Variants in MAPRE2 observed in about 807,000 individuals in gnomAD.
The protein encoded by MAPRE2 is microtubule-associated protein RP/EB family member 2.
A neutral mutation model predicts 43.2 loss-of-function variants in MAPRE2; 13 were observed. That is an observed-to-expected ratio of 0.30 (90% CI 0.20 to 0.48). The LOEUF (loss-of-function observed/expected upper bound fraction) is 0.48, where lower values mean the gene tolerates loss of function less well. MAPRE2 is among the 20% of genes least tolerant of loss of function. MAPRE2 has a pLI of 0.99. For missense variants in MAPRE2, 161 were observed against 400.2 expected (o/e 0.40, Z 5.10); for synonymous variants, 135 against 148.8 (o/e 0.91, Z 0.68).
chr18:35,049,014 A>G (rs566446206), intron 1 of MAPRE2, among the ~76,000 whole-genome samples: 1 of 152,202 alleles, frequency 6.6e-6, no homozygotes, highest in South Asian at 2.1e-4. Flanking sequence ...GATTTCTGTG[A>G]TCCTATTTCA....
intron 2 of MAPRE2, among the ~76,000 whole-genome samples, chr18:35,094,230 ATAAT>A (rs1229941263): frequency 2.0e-5 from 3 of 152,196 alleles, no homozygotes; most frequent in African/African-American, 7.2e-5. Flanking sequence ...CATAATGTAT[ATAAT>A]TATTTATCAA....
rs79633625 is a variant in MAPRE2 at position 35,025,958 on chromosome 18, G to A, written c.-8+20405G>A. On this transcript the variant is annotated intron_variant, in intron 2 of 7. Coordinates refer to the MAPRE2 transcript ENST00000413393. ...CACGGTGGGGCATAAGTTTCTAAAGGTAGTTAGGTTTTACAGTGCCAAAAG... is the reference window on the plus strand; with the variant it reads ...CACGGTGGGGCATAAGTTTCTAAAGATAGTTAGGTTTTACAGTGCCAAAAG... Among the ~76,000 whole-genome samples the A allele has an allele frequency of 2.0e-3, 297 of 152,278 alleles. 8 individuals carry two copies. The East Asian group carries it at 0.053, about 27-fold the overall frequency.
At chr18:35,067,772 C>A (rs1335130333) in intron 1 of MAPRE2, among the ~76,000 whole-genome samples, 4 of 152,046 alleles carry the variant, frequency 2.6e-5, no homozygotes, top group Non-Finnish European at 5.9e-5. Context: ...TTCATCAGTC[C>A]AAAATATTTT....
chr18:34,999,181 C>T (rs1414249068), intron 1 of MAPRE2, among the ~76,000 whole-genome samples: 1 of 152,128 alleles, frequency 6.6e-6, no homozygotes, highest in East Asian at 1.9e-4. Context: ...TAATTGCACA[C>T]ATGAGGAGAG....
intron 1 of MAPRE2, among the ~76,000 whole-genome samples, chr18:35,062,367 C>G (rs1034876859): frequency 1.3e-5 from 2 of 152,180 alleles, no homozygotes; most frequent in Non-Finnish European, 2.9e-5. Flanking sequence ...TGATAAATCT[C>G]TTTTTAAATT....
At chr18:35,104,445 A>G (rs1413114649) in intron 4 of MAPRE2, among the ~76,000 whole-genome samples, 1 of 152,100 alleles carries the variant, frequency 6.6e-6, no homozygotes, top group Non-Finnish European at 1.5e-5. Flanking sequence ...TTTTTTTTCA[A>G]CTGTTCTTGT....
rs553698332 is a variant in MAPRE2, at chr18:35,006,694, A to G, written c.-8+1141A>G. Among the ~76,000 whole-genome samples the G allele has an allele frequency of 4.6e-5, 7 of 152,348 alleles. No individual in the cohort carries two copies. The South Asian group carries it at 1.4e-3, about 32-fold the overall frequency. ...AATAGATGTTTTCTCCTGTTGCTCT[A>G]GTGAAAGTGGAAATATGGAGCACTT... On this transcript the variant is annotated intron_variant, in intron 2 of 7. Coordinates refer to the MAPRE2 transcript ENST00000413393.
chr18:35,140,256 A>G, intron 6 of MAPRE2, 39 bp from the exon 7 acceptor site: 2 of 1,582,796 alleles, frequency 1.3e-6, no homozygotes, highest in Non-Finnish European at 1.7e-6. Flanking sequence ...CCCCATTCCC[A>G]GTCAATTATC....
intron 4 of MAPRE2, among the ~76,000 whole-genome samples, chr18:35,122,622 C>T (rs1034155792): frequency 3.3e-5 from 5 of 152,220 alleles, no homozygotes; most frequent in Admixed American, 6.5e-5. Flanking sequence ...ACTGTGTCCC[C>T]GTTAGTGAGG....
At chr18:35,135,366 G>C (rs1390647343) in intron 6 of MAPRE2, among the ~76,000 whole-genome samples, 1 of 152,122 alleles carries the variant, frequency 6.6e-6, no homozygotes, top group Non-Finnish European at 1.5e-5. Flanking sequence ...AGGCTCAGGA[G>C]CAGCTAGATA....
At chr18:35,002,698 T>C (rs1237296399) in intron 1 of MAPRE2, among the ~76,000 whole-genome samples, 1 of 152,250 alleles carries the variant, frequency 6.6e-6, no homozygotes, top group Non-Finnish European at 1.5e-5. Context: ...TTGCTTTCCG[T>C]ATATGTATAT....
In MAPRE2 at chr18:35,141,659, T is replaced by C. The variant is rs1910645865; in HGVS notation, c.*1290T>C. 1 of 150,992 alleles carries C rather than the reference T, an allele frequency of 6.6e-6. No individual in the cohort carries two copies. Among genetic ancestry groups the C allele is most frequent in the East Asian group, 1.9e-4 (1 of 5,200 alleles). The allele number at this position is 150,992 out of a possible 1,614,324, so 9.4% of individuals were successfully genotyped here. On this transcript the variant is annotated 3_prime_UTR_variant, in exon 7 of 7. Transcript: ENST00000300249. The stretch of plus-strand genomic sequence containing the variant: ...GTCTCTTTCCAAGTCTTTGCCTCTT[T>C]TTTTTCTTTATTTTTATTTTTTCCT...
intron 2 of MAPRE2, among the ~76,000 whole-genome samples, chr18:35,012,190 T>C (rs942266420): frequency 6.6e-6 from 1 of 152,140 alleles, no homozygotes; most frequent in Non-Finnish European, 1.5e-5. Context: ...GTATTGCCCA[T>C]GTTGTGCTTA....
intron 2 of MAPRE2, among the ~76,000 whole-genome samples, chr18:35,024,615 T>A (rs2097044010): frequency 6.6e-6 from 1 of 152,218 alleles, no homozygotes; most frequent in African/African-American, 2.4e-5. Context: ...AATTTAACCT[T>A]CATTTCCCAT....
chr18:35,128,149 G>T (rs964456644), intron 5 of MAPRE2, among the ~76,000 whole-genome samples: 1 of 152,200 alleles, frequency 6.6e-6, no homozygotes, highest in African/African-American at 2.4e-5. Flanking sequence ...CTTAGCTAGG[G>T]TGTTTCTTTA....
intron 1 of MAPRE2, among the ~76,000 whole-genome samples, chr18:35,000,039 T>C (rs967015531): frequency 3.9e-5 from 6 of 152,082 alleles, no homozygotes; most frequent in Non-Finnish European, 8.8e-5. Flanking sequence ...CTGCTAATGC[T>C]GCAAGCTGCT....
At chr18:35,014,063 C>A (rs1378290664) in intron 2 of MAPRE2, among the ~76,000 whole-genome samples, 1 of 151,992 alleles carries the variant, frequency 6.6e-6, no homozygotes, top group African/African-American at 2.4e-5. Flanking sequence ...AGAGGGGAGA[C>A]CATAGCCCTT....
chr18:35,126,727 A>C (rs1909920384), intron 4 of MAPRE2, among the ~76,000 whole-genome samples: 1 of 152,132 alleles, frequency 6.6e-6, no homozygotes, highest in South Asian at 2.1e-4. Context: ...TGAGGAAAAA[A>C]AAAACAGCAC....
At chr18:35,067,873 G>A (rs868851146) in intron 1 of MAPRE2, among the ~76,000 whole-genome samples, 11 of 152,198 alleles carry the variant, frequency 7.2e-5, no homozygotes, top group Middle Eastern at 3.4e-3. Flanking sequence ...AAATGGTTTC[G>A]TTTAATAAAT....
Sources: gnomAD v4.1 joint callset for allele counts (sites outside exome capture counted in the v4.1 genomes callset) on GRCh38, gnomAD v4.1.1 for gene constraint, MANE v1.5 for transcripts, NCBI Gene and HGNC (gene_info 2026-07-23, HGNC 2026-07-21) for gene names.